Variants in ABCB1 observed in about 807,000 individuals in gnomAD.
ABCB1 encodes ATP binding cassette subfamily B member 1.
In ABCB1, 69 loss-of-function variants were observed where a neutral mutation model predicts 142.0. The observed-to-expected ratio is 0.49, with a 90% CI of 0.40 to 0.59. The LOEUF (loss-of-function observed/expected upper bound fraction) is 0.59, where lower values mean the gene tolerates loss of function less well. ABCB1 is among the 20% of genes least tolerant of loss of function. The pLI is 0.00. For synonymous variants in ABCB1, 532 were observed against 539.2 expected (o/e 0.99, Z 0.18); for missense variants, 1,326 against 1,554.7 (o/e 0.85, Z 2.47).
At chr7:87,550,703 T>C in intron 10 of ABCB1, 22 bp downstream of exon 10, 3 of 1,572,876 alleles carry the variant, frequency 1.9e-6, no homozygotes, top group South Asian at 1.1e-5. Context: ...GATAGGTGGA[T>C]AGATGGCCAA....
At chr7:87,682,388 A>G (rs1266948864) in intron 1 of ABCB1, among the ~76,000 whole-genome samples, 1 of 152,162 alleles carries the variant, frequency 6.6e-6, no homozygotes, top group Non-Finnish European at 1.5e-5. Flanking sequence ...AAGATTTTCA[A>G]TTTACTTTGC....
At chr7:87,538,185 G>T (rs1816378644) in intron 19 of ABCB1, among the ~76,000 whole-genome samples, 1 of 152,204 alleles carries the variant, frequency 6.6e-6, no homozygotes, top group Non-Finnish European at 1.5e-5. Flanking sequence ...AGTATAATGG[G>T]CACAGCAGTT....
chr7:87,642,223 G>C (rs1171130619), intron 1 of ABCB1, among the ~76,000 whole-genome samples: 1 of 151,996 alleles, frequency 6.6e-6, no homozygotes, highest in Non-Finnish European at 1.5e-5. Flanking sequence ...TTGATTGTCT[G>C]TGATACAAGT....
rs146127516 is a variant in ABCB1, at chr7:87,702,142, C to CAAAAAA, written c.-331+11013_-331+11018dup. ...TGGGCAAAAGAGCGAGACTCTGTCT[C>CAAAAAA]AAAAAAAAAAAAAAAAAAAAAAAAA... is the stretch of plus-strand genomic sequence containing the variant. On this transcript the variant is annotated intron_variant, in intron 1 of 28. Transcript: ENST00000265724. 8.6e-3 allele frequency among the ~76,000 whole-genome samples: 144 copies of CAAAAAA among 16,772 alleles called. 28 individuals carry two copies. The highest frequency in any genetic ancestry group is 0.021 in the African/African-American group (123 of 5,726). The allele number at this position is 16,772 out of a possible 152,430, so 11.0% of individuals were successfully genotyped here.
intron 13 of ABCB1, 85 bp downstream of exon 13, chr7:87,549,766 T>C: frequency 6.7e-7 from 1 of 1,494,296 alleles, no homozygotes. Flanking sequence ...TCTTCCGATT[T>C]ATAGTAGTTT....
intron 15 of ABCB1, among the ~76,000 whole-genome samples, chr7:87,545,462 G>A (rs1014935430): frequency 1.3e-5 from 2 of 152,070 alleles, no homozygotes; most frequent in African/African-American, 2.4e-5. Flanking sequence ...ATATATTATT[G>A]ATATCCCATG....
intron 1 of ABCB1, among the ~76,000 whole-genome samples, chr7:87,661,599 C>G (rs898156315): frequency 1.3e-5 from 2 of 151,850 alleles, no homozygotes; most frequent in Non-Finnish European, 2.9e-5. Flanking sequence ...ATGATAGGAT[C>G]TCATTTTTTT....
At chr7:87,604,144 T>A (rs1819560664), upstream of ABCB1, among the ~76,000 whole-genome samples, 1 of 152,212 alleles carries the variant, frequency 6.6e-6, no homozygotes, top group African/African-American at 2.4e-5. Context: ...CACCTATTTT[T>A]CCTTCTCCTA....
intron 15 of ABCB1, among the ~76,000 whole-genome samples, chr7:87,545,477 C>T (rs28381917): frequency 0.015 from 2,312 of 152,244 alleles, 67 homozygotes; most frequent in African/African-American, 0.052. Flanking sequence ...CCCATGATAT[C>T]GTTTCAACAT....
At chr7:87,538,901 G>C (rs1245926027) in intron 19 of ABCB1, among the ~76,000 whole-genome samples, 1 of 152,196 alleles carries the variant, frequency 6.6e-6, no homozygotes. Context: ...GCATCTCTTG[G>C]TGGGAAGAAA....
intron 1 of ABCB1, among the ~76,000 whole-genome samples, chr7:87,629,905 A>G (rs374954293): frequency 1.1e-4 from 16 of 150,250 alleles, no homozygotes; most frequent in African/African-American, 3.7e-4. Context: ...CCGGGACCAC[A>G]GGGGGAGACT....
At chr7:87,504,695 G>C (rs540188066) in intron 27 of ABCB1, among the ~76,000 whole-genome samples, 85 of 151,818 alleles carry the variant, frequency 5.6e-4, no homozygotes, top group Middle Eastern at 3.4e-3. Context: ...GTCCCAGCTA[G>C]TCGGGAGGCT....
At chr7:87,662,827 G>C (rs768735818) in intron 1 of ABCB1, among the ~76,000 whole-genome samples, 5 of 152,060 alleles carry the variant, frequency 3.3e-5, no homozygotes, top group Non-Finnish European at 7.4e-5. Context: ...CATTGAATAT[G>C]TATACTGCTT....
At chr7:87,545,331 T>C (rs1816728381) in intron 15 of ABCB1, among the ~76,000 whole-genome samples, 2 of 152,244 alleles carry the variant, frequency 1.3e-5, no homozygotes, top group Admixed American at 1.3e-4. Context: ...AACAGAAATA[T>C]GGCACAAGCC....
chr7:87,628,125 G>T (rs73705279), intron 1 of ABCB1, among the ~76,000 whole-genome samples: 2 of 152,206 alleles, frequency 1.3e-5, no homozygotes, highest in South Asian at 2.1e-4. Flanking sequence ...ACAGGCAAGG[G>T]GGGGGCAATA....
chr7:87,613,257 C>CTTT (rs67823385), intron 1 of ABCB1, among the ~76,000 whole-genome samples: 82 of 64,200 alleles, frequency 1.3e-3, no homozygotes, highest in South Asian at 2.3e-3. Flanking sequence ...TCCTTTATTT[C>CTTT]TTTTTTTTTT....
chr7:87,591,428 C>T (rs891761237), intron 3 of ABCB1, among the ~76,000 whole-genome samples: 2 of 152,104 alleles, frequency 1.3e-5, no homozygotes, highest in South Asian at 4.1e-4. Context: ...CAGGGCAGAG[C>T]TGGAAGGAAT....
At chr7:87,652,621 G>GATATAT (rs373344881) in intron 1 of ABCB1, among the ~76,000 whole-genome samples, 1,621 of 125,358 alleles carry the variant, frequency 0.013, 27 homozygotes, top group Middle Eastern at 0.028. Flanking sequence ...TGTGGTCACT[G>GATATAT]ATATATATAT....
chr7:87,585,352 T>G (rs563061878), intron 4 of ABCB1, among the ~76,000 whole-genome samples, 160 bp downstream of exon 4: 50 of 152,338 alleles, frequency 3.3e-4, no homozygotes, highest in African/African-American at 1.1e-3. Context: ...AAATATTATC[T>G]TTTCTAACTC....
Sources: gnomAD v4.1 joint callset for allele counts (sites outside exome capture counted in the v4.1 genomes callset) on GRCh38, gnomAD v4.1.1 for gene constraint, MANE v1.5 for transcripts, NCBI Gene and HGNC (gene_info 2026-07-23, HGNC 2026-07-21) for gene names.